Variants in OSBPL10 observed in about 807,000 individuals in gnomAD.
OSBPL10 encodes oxysterol-binding protein-related protein 10.
A neutral mutation model predicts 81.7 loss-of-function variants in OSBPL10; 49 were observed. The observed-to-expected ratio is 0.60, with a 90% CI of 0.48 to 0.76. OSBPL10 has a LOEUF of 0.76. Ranked by LOEUF, OSBPL10 falls within the 30% of genes least tolerant of loss-of-function variation. The pLI, the probability that OSBPL10 is intolerant of heterozygous loss-of-function variation, is 0.00. For missense variants in OSBPL10, 923 were observed against 987.8 expected, an observed-to-expected ratio of 0.93 and a Z score of 0.88; for synonymous variants, 419 against 383.6, an observed-to-expected ratio of 1.09 and a Z score of -1.08.
intron 4 of OSBPL10, among the ~76,000 whole-genome samples, chr3:31,791,366 C>G (rs1391928444): frequency 6.6e-6 from 1 of 152,096 alleles, no homozygotes; most frequent in Non-Finnish European, 1.5e-5. Context: ...GTATTTAGAA[C>G]GTAACTGAAA....
At chr3:31,786,310 C>A (rs370044522) in intron 4 of OSBPL10, among the ~76,000 whole-genome samples, 1 of 152,140 alleles carries the variant, frequency 6.6e-6, no homozygotes, top group Admixed American at 6.5e-5. Context: ...TTATACTTCT[C>A]TTTTTTGTTG....
intron 1 of OSBPL10, among the ~76,000 whole-genome samples, chr3:31,908,592 T>G (rs1696485593): frequency 6.6e-6 from 1 of 152,184 alleles, no homozygotes; most frequent in Non-Finnish European, 1.5e-5. Context: ...TTGTGTCGGA[T>G]GTAGTTCACT....
At chr3:32,012,915 C>T (rs943034890) in intron 2 of OSBPL10, among the ~76,000 whole-genome samples, 9 of 152,090 alleles carry the variant, frequency 5.9e-5, no homozygotes, top group Non-Finnish European at 1.2e-4. Flanking sequence ...TATATGCACC[C>T]AATACAGGAG....
intron 8 of OSBPL10, among the ~76,000 whole-genome samples, chr3:31,674,612 TA>T (rs1467683852): frequency 1.3e-4 from 14 of 110,026 alleles, no homozygotes; most frequent in South Asian, 2.8e-4. Context: ...GATAGATAGA[TA>T]GATAGATAGA....
At chr3:31,868,247 G>A (rs1224121941) in intron 3 of OSBPL10, among the ~76,000 whole-genome samples, 1 of 152,078 alleles carries the variant, frequency 6.6e-6, no homozygotes, top group Non-Finnish European at 1.5e-5. Context: ...TGGCATATAG[G>A]TAATATTCAT....
chr3:31,820,719 T>C (rs1222621663), intron 4 of OSBPL10, among the ~76,000 whole-genome samples: 1 of 152,170 alleles, frequency 6.6e-6, no homozygotes, highest in African/African-American at 2.4e-5. Context: ...GAAGCCGCTG[T>C]AAGTGTACAA....
chr3:31,838,218 T>C (rs888868282), intron 3 of OSBPL10, among the ~76,000 whole-genome samples: 2 of 151,982 alleles, frequency 1.3e-5, no homozygotes, highest in Non-Finnish European at 2.9e-5. Context: ...CTAAAAAAGC[T>C]CATATATTGT....
At chr3:32,062,087 G>GT (rs11440126) in intron 1 of OSBPL10, among the ~76,000 whole-genome samples, 52,537 of 89,928 alleles carry the variant, frequency 0.58, 22,636 homozygotes, top group East Asian at 0.84. Flanking sequence ...TGGTTTATTG[G>GT]TTTTTTGTTG....
intron 1 of OSBPL10, among the ~76,000 whole-genome samples, chr3:32,054,146 G>A (rs891597017): frequency 6.6e-6 from 1 of 152,296 alleles, no homozygotes; most frequent in African/African-American, 2.4e-5. Flanking sequence ...TTGACCAAGT[G>A]AATGACTTAT....
chr3:31,799,930 G>C (rs1181147437), intron 4 of OSBPL10, among the ~76,000 whole-genome samples: 1 of 152,118 alleles, frequency 6.6e-6, no homozygotes, highest in Admixed American at 6.5e-5. Context: ...GGCTGGTCTC[G>C]AACTCCTGAC....
At chr3:31,881,194 C>T (rs568998340) in intron 1 of OSBPL10, among the ~76,000 whole-genome samples, 3 of 152,334 alleles carry the variant, frequency 2.0e-5, no homozygotes, top group African/African-American at 7.2e-5. Flanking sequence ...CACTAGACTA[C>T]ACTCTGCGGA....
At chr3:31,845,936 G>A (rs1700617612) in intron 3 of OSBPL10, among the ~76,000 whole-genome samples, 1 of 152,246 alleles carries the variant, frequency 6.6e-6, no homozygotes, top group Non-Finnish European at 1.5e-5. Context: ...AAGACATGGA[G>A]AAGATGAGAC....
chr3:31,891,315 T>G (rs11720406), intron 1 of OSBPL10, among the ~76,000 whole-genome samples: 60,444 of 151,970 alleles, frequency 0.4, 12,734 homozygotes, highest in East Asian at 0.55. Flanking sequence ...TCAGGAGGTC[T>G]GGGTGGAGCA....
In OSBPL10 at chr3:31,768,093, A is replaced by T. The variant is rs528757508; in HGVS notation, c.730-19973T>A. 5.1e-4 allele frequency among the ~76,000 whole-genome samples: 77 copies of T among 152,272 alleles called. 1 individual carries two copies. The highest frequency in any genetic ancestry group is 1.8e-3 in the African/African-American group (75 of 41,558). ...CGGGAAAGGGGTGGGGAATTCCCAG[A>T]ACTGAGGGTTCCTCCTCCTTTTAGG... On this transcript the variant is annotated intron_variant, in intron 4 of 11. Transcript: ENST00000396556.
chr3:31,788,653 C>T (rs1698922909), intron 4 of OSBPL10, among the ~76,000 whole-genome samples: 1 of 152,116 alleles, frequency 6.6e-6, no homozygotes, highest in South Asian at 2.1e-4. Context: ...TGGTGTACAC[C>T]TGTAGTTCCA....
chr3:31,936,682 T>G (rs528893091), intron 1 of OSBPL10, among the ~76,000 whole-genome samples: 8 of 152,308 alleles, frequency 5.3e-5, no homozygotes, highest in South Asian at 4.1e-4. Context: ...TGGCATTTTT[T>G]ATTTCCTGAA....
At chr3:31,887,888 G>C (rs927380719) in intron 1 of OSBPL10, among the ~76,000 whole-genome samples, 1 of 152,066 alleles carries the variant, frequency 6.6e-6, no homozygotes. Flanking sequence ...TCAGCTACTT[G>C]TCTGTGACCA....
intron 1 of OSBPL10, among the ~76,000 whole-genome samples, chr3:31,914,956 T>G (rs1389538336): frequency 6.6e-6 from 1 of 152,050 alleles, no homozygotes; most frequent in Non-Finnish European, 1.5e-5. Flanking sequence ...TTGTGTTTTG[T>G]TTTGTTTGGT....
At chr3:32,048,821 G>A (rs1699646929) in intron 1 of OSBPL10, among the ~76,000 whole-genome samples, 1 of 151,896 alleles carries the variant, frequency 6.6e-6, no homozygotes, top group Non-Finnish European at 1.5e-5. Flanking sequence ...ACAAGATACA[G>A]GTCATAAAGA....
Sources: allele counts gnomAD v4.1 joint callset (sites outside exome capture counted in the v4.1 genomes callset), GRCh38; gene constraint gnomAD v4.1.1; transcripts MANE v1.5; gene names NCBI Gene and HGNC (gene_info 2026-07-23, HGNC 2026-07-21).